RUFY3: variants seen among roughly 807,000 people sequenced by gnomAD.
RUFY3 encodes RUN and FYVE domain containing 3.
Under a neutral mutation model 84.0 loss-of-function variants are expected in RUFY3, and 34 were observed. That is an observed-to-expected ratio of 0.40 (90% CI 0.31 to 0.54). RUFY3 has a LOEUF of 0.54. RUFY3 is among the 20% of genes least tolerant of loss of function. The pLI, the probability that RUFY3 is intolerant of heterozygous loss-of-function variation, is 0.39. For synonymous variants in RUFY3, 242 were observed against 252.9 expected (o/e 0.96, Z 0.41); for missense variants, 507 against 736.8 (o/e 0.69, Z 3.61).
In RUFY3 at chr4:70,722,353, A is replaced by T. The variant is rs374799998; in HGVS notation, c.-221A>T. The stretch of plus-strand genomic sequence containing the variant: ...TTTTGCTATGTGGTAGGAACTGTCT[A>T]TAAGATAGTGTAGAATTGTTTATCT... On this transcript the variant is annotated 5_prime_UTR_variant, in exon 1 of 18. Transcript: ENST00000381006. The T allele has an allele frequency of 3.1e-6, 4 of 1,297,846 alleles. No individual in the cohort carries two copies. Among genetic ancestry groups the T allele is most frequent in the African/African-American group, 1.5e-5 (1 of 67,170 alleles). 80.4% of individuals were successfully genotyped at this position (1,297,846 alleles called of 1,614,324 possible).
chr4:70,709,590 A>G (rs1426587043), intron 1 of RUFY3, among the ~76,000 whole-genome samples: 2 of 152,196 alleles, frequency 1.3e-5, no homozygotes, highest in Admixed American at 6.5e-5. Flanking sequence ...ACAATTTGTA[A>G]GGAGGATCTG....
intron 1 of RUFY3, among the ~76,000 whole-genome samples, chr4:70,707,763 A>G (rs1179997055): frequency 6.8e-6 from 1 of 146,600 alleles, no homozygotes; most frequent in Non-Finnish European, 1.5e-5. Context: ...AATTGATTCA[A>G]AATAGTTTTT....
intron 14 of RUFY3, among the ~76,000 whole-genome samples, chr4:70,797,470 G>C (rs1005290261): frequency 1.6e-4 from 24 of 152,112 alleles, no homozygotes; most frequent in African/African-American, 5.8e-4. Flanking sequence ...AGAGTGAGCT[G>C]CTAATTTACT....
At chr4:70,739,710 A>G (rs1365689131) in intron 1 of RUFY3, among the ~76,000 whole-genome samples, 1 of 152,054 alleles carries the variant, frequency 6.6e-6, no homozygotes, top group Non-Finnish European at 1.5e-5. Context: ...AGCCCATTCA[A>G]GCACTTCCCT....
intron 6 of RUFY3, among the ~76,000 whole-genome samples, chr4:70,774,194 G>A (rs1277729466): frequency 6.6e-6 from 1 of 152,042 alleles, no homozygotes; most frequent in African/African-American, 2.4e-5. Flanking sequence ...TAATTGTATA[G>A]GTTTGGGGCC....
intron 1 of RUFY3, among the ~76,000 whole-genome samples, chr4:70,728,837 T>C (rs1718737123): frequency 6.6e-6 from 1 of 152,180 alleles, no homozygotes; most frequent in South Asian, 2.1e-4. Flanking sequence ...ATAAGACTTT[T>C]TTCCGATTAC....
chr4:70,765,177 G>A (rs1725649385), intron 4 of RUFY3, among the ~76,000 whole-genome samples: 2 of 132,898 alleles, frequency 1.5e-5, no homozygotes, highest in African/African-American at 5.9e-5. Context: ...GACAGAGTGA[G>A]ACTCTGTCTC....
rs1460550735 is a variant in RUFY3 at position 70,807,286 on chromosome 4, A to T, written c.*627A>T. On this transcript the variant is annotated 3_prime_UTR_variant, in exon 18 of 18. Coordinates refer to ENST00000381006, the MANE Select transcript of RUFY3 (RefSeq NM_001037442.4). ...TCAGGACCAGAATTTTCTGGTCTTT[A>T]CCTACAAGGGTTTTCATTATCAAAA... 1.3e-5 allele frequency: 2 copies of T among 152,108 alleles called. No individual in the cohort carries two copies. The highest frequency in any genetic ancestry group is 4.8e-5 in the African/African-American group (2 of 41,400). The allele number at this position is 152,108 out of a possible 1,614,324, so 9.4% of individuals were successfully genotyped here. A position where few individuals can be genotyped will look rare whatever the true frequency, so the allele number is the denominator to read the frequency against.
chr4:70,721,405 C>T (rs554328032), upstream of RUFY3, among the ~76,000 whole-genome samples: 6 of 149,706 alleles, frequency 4.0e-5, no homozygotes, highest in Non-Finnish European at 8.8e-5. Context: ...AAAGATTTTA[C>T]TTTTTTAACT....
intron 1 of RUFY3, among the ~76,000 whole-genome samples, chr4:70,728,940 C>T (rs1426052976): frequency 2.7e-5 from 4 of 149,666 alleles, no homozygotes; most frequent in Non-Finnish European, 3.0e-5. Flanking sequence ...AGAATTTTGA[C>T]ACAGAATTCA....
chr4:70,789,045 T>G, intron 11 of RUFY3, 72 bp downstream of exon 11: 1 of 1,547,608 alleles, frequency 6.5e-7, no homozygotes, highest in Non-Finnish European at 8.7e-7. Context: ...CATCTGATCC[T>G]CCAGAATCAC....
intron 1 of RUFY3, among the ~76,000 whole-genome samples, chr4:70,726,364 CTT>C (rs977016939): frequency 2.6e-5 from 4 of 151,936 alleles, no homozygotes; most frequent in Non-Finnish European, 5.9e-5. Flanking sequence ...TACCATCACT[CTT>C]TTTTTTCTTT....
intron 1 of RUFY3, chr4:70,705,311 C>G: frequency 7.4e-7 from 1 of 1,354,512 alleles, no homozygotes; most frequent in Non-Finnish European, 9.5e-7. Flanking sequence ...GGCGGAGGGG[C>G]ATGGGGACGC....
At chr4:70,735,135 T>G (rs1464608100) in intron 1 of RUFY3, among the ~76,000 whole-genome samples, 1 of 152,228 alleles carries the variant, frequency 6.6e-6, no homozygotes, top group African/African-American at 2.4e-5. Flanking sequence ...AACCAAGATC[T>G]GGTTGGAAAG....
chr4:70,773,280 T>C (rs1289572389), intron 5 of RUFY3, among the ~76,000 whole-genome samples: 1 of 152,248 alleles, frequency 6.6e-6, no homozygotes, highest in Non-Finnish European at 1.5e-5. Context: ...TTCTGTTGAC[T>C]GTGTTAGTTG....
At chr4:70,792,753 GT>G in intron 12 of RUFY3, 3 of 985,230 alleles carry the variant, frequency 3.0e-6, no homozygotes, top group Non-Finnish European at 3.6e-6. Flanking sequence ...GCTTATATAG[GT>G]CCCTGCACAG....
At chr4:70,706,669 T>G (rs141343009) in intron 1 of RUFY3, among the ~76,000 whole-genome samples, 1 of 152,224 alleles carries the variant, frequency 6.6e-6, no homozygotes, top group Non-Finnish European at 1.5e-5. Context: ...TGTTCACACC[T>G]CCTTATTACT....
At chr4:70,731,906 G>A (rs1719341386) in intron 1 of RUFY3, among the ~76,000 whole-genome samples, 1 of 152,144 alleles carries the variant, frequency 6.6e-6, no homozygotes, top group African/African-American at 2.4e-5. Context: ...TCACGATTAT[G>A]GATTGTTTGA....
chr4:70,715,588 C>CAAAA (rs886636641), intron 1 of RUFY3, among the ~76,000 whole-genome samples: 7 of 46,656 alleles, frequency 1.5e-4, no homozygotes, highest in Admixed American at 2.8e-4. Flanking sequence ...ACACTATCTC[C>CAAAA]AAAAAAAAAA....
Sources: gnomAD v4.1 joint callset for allele counts (sites outside exome capture counted in the v4.1 genomes callset) on GRCh38, gnomAD v4.1.1 for gene constraint, MANE v1.5 for transcripts, NCBI Gene and HGNC (gene_info 2026-07-23, HGNC 2026-07-21) for gene names.